Variants in CAP1 observed in about 807,000 individuals in gnomAD.
The protein encoded by CAP1 is adenylyl cyclase-associated protein 1.
A neutral mutation model predicts 58.2 loss-of-function variants in CAP1; 11 were observed. The observed-to-expected ratio is 0.19, with a 90% CI of 0.12 to 0.31. The LOEUF (loss-of-function observed/expected upper bound fraction) is 0.31. CAP1 is among the 10% of genes least tolerant of loss of function. The pLI, the probability that CAP1 is intolerant of heterozygous loss-of-function variation, is 1.00. For synonymous variants in CAP1, 183 were observed against 213.8 expected (o/e 0.86, Z 1.26); for missense variants, 423 against 587.5 (o/e 0.72, Z 2.89).
chr1:40,060,025 T>C, intron 2 of CAP1, 42 bp from the exon 3 acceptor site: 1 of 1,528,772 alleles, frequency 6.5e-7, no homozygotes, highest in East Asian at 2.3e-5. Flanking sequence ...AGAAGCCTCC[T>C]TCTGATGCAT....
At chr1:40,048,105 G>C (rs1483553402) in intron 1 of CAP1, among the ~76,000 whole-genome samples, 2 of 150,778 alleles carry the variant, frequency 1.3e-5, no homozygotes, top group African/African-American at 4.9e-5. Flanking sequence ...CGTAACCTCC[G>C]CCTCCCGGGT....
In CAP1 at chr1:40,066,221, G is replaced by A. The variant is rs763865750; in HGVS notation, c.531G>A (p.Lys177=). The part of the protein sequence containing the change: ...RVLKEYKDVD[K]KHVDWVKAYL... The stretch of plus-strand genomic sequence containing the variant: ...TCTTCTTTAATCCTCCCAGGGATAA[G>A]AAGCATGTAGACTGGGTCAAAGCTT... Residue 177 remains lysine, a synonymous_variant, in exon 7 of 13, where the codon AAG becomes AAA. Coordinates refer to ENST00000372805, the MANE Select transcript of CAP1 (RefSeq NM_006367.4). The A allele has an allele frequency of 6.3e-7, 1 of 1,583,770 alleles. No homozygotes were observed.
In CAP1 at chr1:40,067,659, G is replaced by T; in HGVS notation, c.750G>T (p.Glu250Asp). 8.2e-6 allele frequency: 13 copies of T among 1,591,968 alleles called. No individual in the cohort carries two copies. The highest frequency in any genetic ancestry group is 1.1e-5 in the Non-Finnish European group (13 of 1,168,438). Reference protein sequence around the residue: ...PPVSTISCSYESASRSSLFAQ... With the variant: ...PPVSTISCSYDSASRSSLFAQ... ...TCTCTACCATTTCATGCTCATATGA[G>T]TCTGCTTCCCGCTCATCACTGTTCG... The change falls in exon 8 of 13, where the codon GAG becomes GAT. Residue 250 changes from glutamate (E) to aspartate (D), a missense_variant. Coordinates refer to ENST00000372805, the MANE Select transcript of CAP1 (RefSeq NM_006367.4).
intron 1 of CAP1, among the ~76,000 whole-genome samples, chr1:40,058,283 C>G (rs1046633380): frequency 6.6e-6 from 1 of 152,168 alleles, no homozygotes; most frequent in African/African-American, 2.4e-5. Context: ...CCATCATATC[C>G]TTATCTGATC....
intron 8 of CAP1, among the ~76,000 whole-genome samples, chr1:40,068,525 A>G (rs897483073): frequency 1.3e-5 from 2 of 151,172 alleles, no homozygotes; most frequent in Non-Finnish European, 2.9e-5. Flanking sequence ...TGATCTGCCC[A>G]CCTCGGCCTC....
In CAP1 at chr1:40,071,438, CT is replaced by C. The variant is rs754365379; in HGVS notation, c.1345-9del. 1 of 1,599,884 alleles carries C rather than the reference CT, an allele frequency of 6.3e-7. No individual in the cohort carries two copies. The highest frequency in any genetic ancestry group is 1.1e-5 in the South Asian group (1 of 90,484). ...CTCAGATTTAAACCTGCTGTCTCTTCTTTATTTGCAGAATGAATTCCCAGTT... is the reference window on the plus strand; with the variant it reads ...CTCAGATTTAAACCTGCTGTCTCTTCTTATTTGCAGAATGAATTCCCAGTT... On this transcript the variant is annotated splice_polypyrimidine_tract_variant and intron_variant, in intron 12 of 12. Transcript: ENST00000372805.
At chr1:40,040,481 A>G (rs991598926), upstream of CAP1, 1 of 152,318 alleles carries the variant, frequency 6.6e-6, no homozygotes, top group Non-Finnish European at 1.5e-5. Context: ...GGTAAAGCGG[A>G]ACGAGGGCGT....
chr1:40,060,646 G>A (rs1170078453), intron 3 of CAP1, among the ~76,000 whole-genome samples: 5 of 151,792 alleles, frequency 3.3e-5, no homozygotes, highest in Non-Finnish European at 7.4e-5. Flanking sequence ...CTTCCTTTAT[G>A]CCTCCTACGT....
rs1158025127 is a variant in CAP1 at position 40,070,459 on chromosome 1, G to C, written c.1147G>C (p.Asp383His). Residue 383 changes from aspartate to histidine, a missense_variant, in exon 11 of 13, where the codon GAT becomes CAT. Transcript: ENST00000372805. ...CTGTAAGAAACTTGGCCTGGTATTC[G>C]ATGACGTGGTGGGCATTGTGGAGAT... is the stretch of plus-strand genomic sequence containing the variant. ...DNCKKLGLVF[D>H]DVVGIVEIIN... The C allele has an allele frequency of 6.2e-7, 1 of 1,614,008 alleles. No individual in the cohort carries two copies. Among genetic ancestry groups the C allele is most frequent in the Non-Finnish European group, 8.5e-7 (1 of 1,179,960 alleles).
intron 12 of CAP1, 137 bp downstream of exon 12, chr1:40,071,116 A>G (rs1261104176): frequency 3.2e-5 from 27 of 840,518 alleles, no homozygotes; most frequent in Non-Finnish European, 3.2e-5. Flanking sequence ...AGTACACAGA[A>G]ATGAGGTAGT....
At chr1:40,062,498 C>T (rs1042053379) in intron 4 of CAP1, among the ~76,000 whole-genome samples, 5 of 151,962 alleles carry the variant, frequency 3.3e-5, no homozygotes, top group Admixed American at 3.3e-4. Context: ...TCCTGTAATC[C>T]CAGCACTTTG....
At chr1:40,067,107 GT>G (rs1647120343) in intron 7 of CAP1, among the ~76,000 whole-genome samples, 1 of 152,202 alleles carries the variant, frequency 6.6e-6, no homozygotes, top group African/African-American at 2.4e-5. Flanking sequence ...GGTCGAAGAA[GT>G]TGGAATCCTC....
chr1:40,071,845 C>G lies in CAP1; in HGVS notation c.*312C>G, dbSNP rs1648103392. The G allele has an allele frequency of 2.2e-6, 1 of 460,044 alleles. No individual in the cohort carries two copies. Among genetic ancestry groups the G allele is most frequent in the Non-Finnish European group, 3.8e-6 (1 of 260,128 alleles). 28.5% of individuals were successfully genotyped at this position (460,044 alleles called of 1,614,324 possible). ...CTTTGAGCTTTTGGGGGTTATTCTACCAACAAACAGTCCATTGGAAAGAAA... is the reference window on the plus strand; with the variant it reads ...CTTTGAGCTTTTGGGGGTTATTCTAGCAACAAACAGTCCATTGGAAAGAAA... On this transcript the variant is annotated 3_prime_UTR_variant, in exon 13 of 13. Transcript: ENST00000372805.
rs576823346 is a variant in CAP1 at position 40,058,057 on chromosome 1, G to A, written c.-10-1280G>A. Reference sequence around the variant, plus strand: ...TACCTGCCAGGTAGTAGTCTAGATGGTAGAGTATACAGTAAGGAACAAGCT... The same window carrying A: ...TACCTGCCAGGTAGTAGTCTAGATGATAGAGTATACAGTAAGGAACAAGCT... On this transcript the variant is annotated intron_variant, in intron 1 of 12. Coordinates refer to ENST00000372805, the MANE Select transcript of CAP1 (RefSeq NM_006367.4). 2.0e-5 allele frequency among the ~76,000 whole-genome samples: 3 copies of A among 152,292 alleles called. No individual in the cohort carries two copies. In the East Asian group the frequency reaches 5.8e-4, roughly 29 times the overall value.
intron 4 of CAP1, among the ~76,000 whole-genome samples, chr1:40,063,376 C>T (rs1646940713): frequency 1.3e-5 from 2 of 152,064 alleles, no homozygotes; most frequent in South Asian, 4.1e-4. Context: ...GGGGTTTCCC[C>T]ATGTTGCCCA....
intron 1 of CAP1, 127 bp downstream of exon 1, chr1:40,040,928 C>T (rs1645788107): frequency 6.5e-6 from 1 of 152,746 alleles, no homozygotes; most frequent in Non-Finnish European, 1.5e-5. Context: ...GGCTGAGGCC[C>T]TCAGGCCGAC....
intron 1 of CAP1, among the ~76,000 whole-genome samples, chr1:40,058,677 C>G (rs1298774559): frequency 6.6e-6 from 1 of 151,976 alleles, no homozygotes; most frequent in African/African-American, 2.4e-5. Flanking sequence ...AGCTGAGATC[C>G]TGCCACTGCA....
chr1:40,048,095 C>T (rs527714756), intron 1 of CAP1, among the ~76,000 whole-genome samples: 6 of 151,890 alleles, frequency 4.0e-5, no homozygotes, highest in African/African-American at 1.4e-4. Context: ...CTTGGCTCAC[C>T]GTAACCTCCG....
chr1:40,059,260 C>T, intron 1 of CAP1, 77 bp from the exon 2 acceptor site: 2 of 801,838 alleles, frequency 2.5e-6, no homozygotes, highest in Non-Finnish European at 4.3e-6. Context: ...TGGGGATGAC[C>T]AGGAATTTTC....
Sources: allele counts gnomAD v4.1 joint callset (sites outside exome capture counted in the v4.1 genomes callset), GRCh38; gene constraint gnomAD v4.1.1; transcripts MANE v1.5; gene names NCBI Gene and HGNC (gene_info 2026-07-23, HGNC 2026-07-21).